Variants in UBTD2 observed in about 807,000 individuals in gnomAD.
UBTD2 encodes the protein ubiquitin domain-containing protein 2.
In UBTD2, 9 loss-of-function variants were observed where a neutral mutation model predicts 19.8. The ratio of observed to expected loss-of-function variants is 0.46; its 90% CI spans 0.27 to 0.79. UBTD2 has a LOEUF of 0.79. Among genes scored for constraint, UBTD2 ranks in the 30% least tolerant of loss-of-function variants. The probability of loss-of-function intolerance (pLI) is 0.14; values close to 1 mark genes in which losing one functional copy is unlikely to be tolerated. For synonymous variants in UBTD2, 98 were observed against 103.9 expected (o/e 0.94, Z 0.35); for missense variants, 250 against 300.4 (o/e 0.83, Z 1.24).
At chr5:172,253,646 G>T (rs527270587) in intron 1 of UBTD2, among the ~76,000 whole-genome samples, 1 of 152,006 alleles carries the variant, frequency 6.6e-6, no homozygotes, top group East Asian at 1.9e-4. Context: ...TACAGATGGG[G>T]TTTCACGTTT....
chr5:172,227,242 T>C (rs1771787335), intron 2 of UBTD2, among the ~76,000 whole-genome samples: 1 of 152,132 alleles, frequency 6.6e-6, no homozygotes, highest in South Asian at 2.1e-4. Context: ...ACCTCAGCTG[T>C]TTGCAGGCCT....
intron 1 of UBTD2, among the ~76,000 whole-genome samples, chr5:172,243,624 G>A (rs565794453): frequency 3.6e-5 from 5 of 138,212 alleles, no homozygotes; most frequent in Admixed American, 8.0e-5. Flanking sequence ...GTACAATGGC[G>A]CGACCTCAGC....
chr5:172,274,387 C>A (rs1561868097), intron 1 of UBTD2, among the ~76,000 whole-genome samples: 1 of 152,040 alleles, frequency 6.6e-6, no homozygotes, highest in Non-Finnish European at 1.5e-5. Context: ...GATCCGCCCG[C>A]CTCAGCCTCC....
At chr5:172,258,489 G>C (rs1288059950) in intron 1 of UBTD2, among the ~76,000 whole-genome samples, 1 of 152,120 alleles carries the variant, frequency 6.6e-6, no homozygotes, top group Admixed American at 6.6e-5. Flanking sequence ...ATGAATTTTA[G>C]AATAGTGTTT....
chr5:172,209,698 A>G lies in UBTD2; in HGVS notation c.*2132T>C, dbSNP rs533372246. ...AAAAAGCACATAAACCCTACATACT[A>G]AAATTATACACATCAAGTACTGGTC... On this transcript the variant is annotated 3_prime_UTR_variant, in exon 3 of 3. Transcript: ENST00000393792. The G allele has an allele frequency of 1.3e-5, 2 of 152,508 alleles. No individual in the cohort carries two copies. Among genetic ancestry groups the G allele is most frequent in the Admixed American group, 1.3e-4 (2 of 15,264 alleles). The allele number at this position is 152,508 out of a possible 1,614,324, so 9.4% of individuals were successfully genotyped here.
intron 1 of UBTD2, among the ~76,000 whole-genome samples, chr5:172,260,744 G>A (rs1264128527): frequency 6.6e-6 from 1 of 152,094 alleles, no homozygotes; most frequent in African/African-American, 2.4e-5. Flanking sequence ...CAGAAGTACT[G>A]GGTATCATTT....
intron 1 of UBTD2, among the ~76,000 whole-genome samples, chr5:172,237,752 C>A (rs1009973921): frequency 1.3e-5 from 2 of 152,192 alleles, no homozygotes; most frequent in African/African-American, 2.4e-5. Context: ...GACTTAAGTT[C>A]ATATTCATAA....
intron 1 of UBTD2, among the ~76,000 whole-genome samples, chr5:172,282,836 A>G (rs1233850389): frequency 6.6e-6 from 1 of 152,216 alleles, no homozygotes; most frequent in Non-Finnish European, 1.5e-5. Context: ...GAAAACTTTT[A>G]AAGTACTGAT....
intron 1 of UBTD2, among the ~76,000 whole-genome samples, chr5:172,243,966 T>C (rs975963427): frequency 6.6e-6 from 1 of 151,916 alleles, no homozygotes; most frequent in African/African-American, 2.4e-5. Flanking sequence ...AAATCAGAGA[T>C]CAAGAGGGTT....
rs1382929679 is a variant in UBTD2, at chr5:172,237,214, C to G, written c.71-2856G>C. On this transcript the variant is annotated intron_variant, in intron 1 of 2. Transcript: ENST00000393792. ...GTTCAAGCGATTCTCCTGCCTCAGC[C>G]TCTCGAGTAGCTGGGACTACAGGCC... Among the ~76,000 whole-genome samples, 3 of 152,180 alleles carry G rather than the reference C, an allele frequency of 2.0e-5. No individual in the cohort carries two copies. The East Asian group carries it at 5.8e-4, about 29-fold the overall frequency.
At chr5:172,218,072 C>G (rs1771579712) in intron 2 of UBTD2, among the ~76,000 whole-genome samples, 1 of 152,102 alleles carries the variant, frequency 6.6e-6, no homozygotes, top group Non-Finnish European at 1.5e-5. Flanking sequence ...GAACATTTAC[C>G]AAGAGAGACC....
intron 1 of UBTD2, among the ~76,000 whole-genome samples, chr5:172,238,443 T>C (rs747710649): frequency 2.6e-5 from 4 of 152,152 alleles, no homozygotes; most frequent in South Asian, 2.1e-4. Flanking sequence ...ACAATCTATT[T>C]CAGAAAATAT....
intron 2 of UBTD2, among the ~76,000 whole-genome samples, chr5:172,218,617 G>A (rs1453367464): frequency 6.6e-6 from 1 of 150,940 alleles, no homozygotes; most frequent in Non-Finnish European, 1.5e-5. Context: ...AAAAATTTTT[G>A]CACAAAAAAA....
At chr5:172,233,219 C>G (rs1022948151) in intron 2 of UBTD2, among the ~76,000 whole-genome samples, 5 of 152,052 alleles carry the variant, frequency 3.3e-5, no homozygotes, top group Non-Finnish European at 5.9e-5. Context: ...CCCTGTTCCT[C>G]TAAGAATGTA....
chr5:172,224,494 T>C (rs907785490), intron 2 of UBTD2, among the ~76,000 whole-genome samples: 1 of 152,096 alleles, frequency 6.6e-6, no homozygotes, highest in African/African-American at 2.4e-5. Context: ...TTTCCCCATG[T>C]TGGCCAGGCT....
chr5:172,248,937 T>TGG (rs11450128), intron 1 of UBTD2, among the ~76,000 whole-genome samples: 26 of 147,610 alleles, frequency 1.8e-4, no homozygotes, highest in African/African-American at 6.0e-4. Flanking sequence ...GGGCCTGTCT[T>TGG]GGGGGGGAAG....
At chr5:172,279,090 A>T (rs1014546251) in intron 1 of UBTD2, among the ~76,000 whole-genome samples, 1 of 152,198 alleles carries the variant, frequency 6.6e-6, no homozygotes, top group Admixed American at 6.5e-5. Flanking sequence ...TTTTGTCACA[A>T]TTTAAAAAAA....
At chr5:172,274,158 T>C (rs956691450) in intron 1 of UBTD2, among the ~76,000 whole-genome samples, 4 of 98,768 alleles carry the variant, frequency 4.0e-5, no homozygotes, top group African/African-American at 1.5e-4. Context: ...TTTTTTTTTT[T>C]GAGACGGAGC....
rs1045706148 is a variant in UBTD2, at chr5:172,210,974, T to C, written c.*856A>G. ...GTTCCAAGCAGAATAGATAGATCAA[T>C]GAAGGTACTATATAGTAGTGACCTT... On this transcript the variant is annotated 3_prime_UTR_variant, in exon 3 of 3. Coordinates refer to ENST00000393792, the MANE Select transcript of UBTD2 (RefSeq NM_152277.3). The C allele has an allele frequency of 1.4e-4, 22 of 152,180 alleles. No individual in the cohort carries two copies. The highest frequency in any genetic ancestry group is 5.1e-4 in the African/African-American group (21 of 41,448). The allele number at this position is 152,180 out of a possible 1,614,324, so 9.4% of individuals were successfully genotyped here.
Sources: allele counts gnomAD v4.1 joint callset (sites outside exome capture counted in the v4.1 genomes callset), GRCh38; gene constraint gnomAD v4.1.1; transcripts MANE v1.5; gene names NCBI Gene and HGNC (gene_info 2026-07-23, HGNC 2026-07-21).